TRABD2A: variants seen among roughly 807,000 people sequenced by gnomAD.
The protein encoded by TRABD2A is TraB domain containing 2A.
A neutral mutation model predicts 45.6 loss-of-function variants in TRABD2A; 43 were observed. The observed-to-expected ratio is 0.94, with a 90% CI of 0.74 to 1.22. The LOEUF is 1.22. TRABD2A is among the 50% of genes most tolerant of loss of function. TRABD2A has a pLI of 0.00. For synonymous variants in TRABD2A, 269 were observed against 265.0 expected (o/e 1.02, Z -0.15); for missense variants, 642 against 652.4 (o/e 0.98, Z 0.17).
intron 5 of TRABD2A, among the ~76,000 whole-genome samples, chr2:84,826,254 C>CT (rs1212646797): frequency 2.0e-5 from 3 of 152,180 alleles, no homozygotes; most frequent in Non-Finnish European, 4.4e-5. Context: ...CAAATCATAG[C>CT]TTTGTTTCTG....
chr2:84,852,704 A>G (rs1302033760), intron 2 of TRABD2A, among the ~76,000 whole-genome samples: 1 of 152,182 alleles, frequency 6.6e-6, no homozygotes, highest in East Asian at 1.9e-4. Flanking sequence ...AAGATGACCC[A>G]TATGCCCAAT....
chr2:84,880,956 G>C lies in TRABD2A; in HGVS notation c.84C>G (p.Thr28=). The change falls in exon 1 of 7, where the codon ACC becomes ACG. Residue 28 remains threonine, a synonymous_variant. Transcript: ENST00000409520. ...GAASRRGAPG[T]ANCELKPQQS... ...CTTGGGGCTTGAGCTCGCAGTTGGC[G>C]GTGCCGGGCGCCCCGCGCCGCGAAG... 1 of 1,598,410 alleles carries C rather than the reference G, an allele frequency of 6.3e-7. No homozygotes were observed.
chr2:84,838,036 A>G (rs926987880), intron 4 of TRABD2A: 51 of 565,092 alleles, frequency 9.0e-5, no homozygotes, highest in Non-Finnish European at 2.5e-5. Context: ...ATTCACACAG[A>G]GCAAGCTCTG....
In TRABD2A at chr2:84,825,368, A is replaced by G. The variant is rs901439351; in HGVS notation, c.1083-1164T>C. On this transcript the variant is annotated intron_variant, in intron 5 of 6. Transcript: ENST00000409520. ...AAGGGAGGAGGTATACAAGAAGGAA[A>G]GCAAAAAAGGGAAAGACTTATATTG... is the stretch of plus-strand genomic sequence containing the variant. 2.6e-5 allele frequency among the ~76,000 whole-genome samples: 4 copies of G among 152,320 alleles called. No individual in the cohort carries two copies. The South Asian group carries it at 8.3e-4, about 32-fold the overall frequency.
intron 2 of TRABD2A, among the ~76,000 whole-genome samples, chr2:84,846,809 C>A (rs1234842977): frequency 1.3e-5 from 2 of 152,254 alleles, no homozygotes; most frequent in Non-Finnish European, 2.9e-5. Flanking sequence ...AAGAAACAGT[C>A]TCTGAGTGGG....
rs182049062 is a variant in TRABD2A, at chr2:84,853,974, C to T, written c.670-11967G>A. Among the ~76,000 whole-genome samples, 1,042 of 152,010 alleles carry T rather than the reference C, an allele frequency of 6.9e-3. 12 individuals are homozygous for T. Among genetic ancestry groups the T allele is most frequent in the African/African-American group, 0.021 (858 of 41,476 alleles). ...GGCAGAGGTTGCAGTGAGCAGAGAT[C>T]GCCCCACTGCACTCCTGCCTGGGCA... On this transcript the variant is annotated intron_variant, in intron 2 of 6. Coordinates refer to ENST00000409520, the MANE Select transcript of TRABD2A (RefSeq NM_001277053.2).
chr2:84,860,349 A>T (rs1682456609), intron 2 of TRABD2A, among the ~76,000 whole-genome samples: 1 of 152,178 alleles, frequency 6.6e-6, no homozygotes, highest in South Asian at 2.1e-4. Context: ...ATCCAGTATG[A>T]CTGGTGTCCA....
intron 2 of TRABD2A, among the ~76,000 whole-genome samples, chr2:84,868,899 T>C (rs955805895): frequency 2.0e-5 from 3 of 152,228 alleles, no homozygotes; most frequent in Non-Finnish European, 1.5e-5. Flanking sequence ...ATGCAGACAT[T>C]GAAAAGGTTA....
At chr2:84,878,740 T>A (rs1174096997) in intron 1 of TRABD2A, among the ~76,000 whole-genome samples, 1 of 152,160 alleles carries the variant, frequency 6.6e-6, no homozygotes, top group East Asian at 1.9e-4. Flanking sequence ...TAGGGGCTGC[T>A]GCACTGGATT....
chr2:84,867,934 A>G (rs1332123040), intron 2 of TRABD2A, among the ~76,000 whole-genome samples: 1 of 152,216 alleles, frequency 6.6e-6, no homozygotes, highest in Admixed American at 6.5e-5. Flanking sequence ...GTCAGGAAAC[A>G]ACAGGTACTG....
At chr2:84,841,715 T>A in intron 3 of TRABD2A, 146 bp downstream of exon 3, 2 of 843,316 alleles carry the variant, frequency 2.4e-6, no homozygotes, top group Non-Finnish European at 3.3e-6. Context: ...TAGTGCCTCA[T>A]TCAATGACAT....
intron 2 of TRABD2A, among the ~76,000 whole-genome samples, chr2:84,845,576 A>G (rs11680803): frequency 0.015 from 2,299 of 151,550 alleles, 28 homozygotes; most frequent in Middle Eastern, 0.062. Flanking sequence ...AGGGCGGGGG[A>G]AGAAGGGTAG....
At chr2:84,864,456 C>A (rs1161791420) in intron 2 of TRABD2A, among the ~76,000 whole-genome samples, 1 of 152,176 alleles carries the variant, frequency 6.6e-6, no homozygotes, top group African/African-American at 2.4e-5. Flanking sequence ...CTTCTTCCGC[C>A]TTTTGAACCT....
intron 2 of TRABD2A, among the ~76,000 whole-genome samples, chr2:84,868,931 C>G (rs922042654): frequency 6.6e-6 from 1 of 152,132 alleles, no homozygotes; most frequent in South Asian, 2.1e-4. Flanking sequence ...CTTTGGGTTT[C>G]CATAATAATG....
chr2:84,838,966 C>A (rs1681612972), intron 4 of TRABD2A, 183 bp downstream of exon 4: 1 of 615,508 alleles, frequency 1.6e-6, no homozygotes, highest in Admixed American at 3.0e-5. Flanking sequence ...AACATTTCAA[C>A]CATGCTGGAT....
intron 4 of TRABD2A, chr2:84,834,177 C>T (rs1326945617): frequency 6.6e-6 from 1 of 152,204 alleles, no homozygotes; most frequent in African/African-American, 2.4e-5. Flanking sequence ...GGGTCTGCAC[C>T]ACTGTTACGG....
intron 4 of TRABD2A, chr2:84,832,817 G>A (rs996927256): frequency 2.9e-5 from 4 of 137,478 alleles, no homozygotes; most frequent in Non-Finnish European, 6.0e-5. Context: ...AAAAAAAGGA[G>A]GGGGGGGAAT....
intron 2 of TRABD2A, among the ~76,000 whole-genome samples, chr2:84,868,605 C>A (rs1013276399): frequency 6.6e-6 from 1 of 151,842 alleles, no homozygotes; most frequent in African/African-American, 2.4e-5. Context: ...ACCAATATGG[C>A]GCATGTATAT....
chr2:84,861,128 A>G (rs781359599), intron 2 of TRABD2A, among the ~76,000 whole-genome samples: 16 of 152,282 alleles, frequency 1.1e-4, no homozygotes, highest in Middle Eastern at 3.4e-3. Context: ...GGTGAGGCCA[A>G]TAGGGCTTTA....
Sources: gnomAD v4.1 joint callset for allele counts (sites outside exome capture counted in the v4.1 genomes callset) on GRCh38, gnomAD v4.1.1 for gene constraint, MANE v1.5 for transcripts, NCBI Gene and HGNC (gene_info 2026-07-23, HGNC 2026-07-21) for gene names.